ARL15: variants seen among roughly 807,000 people sequenced by gnomAD.
ARL15 encodes the protein ADP-ribosylation factor-like protein 15.
In ARL15, 19 loss-of-function variants were observed where a neutral mutation model predicts 25.2. The ratio of observed to expected loss-of-function variants is 0.75; its 90% confidence interval spans 0.53 to 1.10. The LOEUF (loss-of-function observed/expected upper bound fraction) is 1.10. Ranked by LOEUF, ARL15 falls within the 50% of genes least tolerant of loss-of-function variation. The pLI, the probability that ARL15 is intolerant of heterozygous loss-of-function variation, is 0.00. For synonymous variants in ARL15, 94 were observed against 86.8 expected, an observed-to-expected ratio of 1.08 and a Z score of -0.46; for missense variants, 220 against 246.0, an observed-to-expected ratio of 0.89 and a Z score of 0.71.
At chr5:54,278,171 C>T (rs1259714859) in intron 1 of ARL15, among the ~76,000 whole-genome samples, 1 of 152,204 alleles carries the variant, frequency 6.6e-6, no homozygotes, top group Non-Finnish European at 1.5e-5. Flanking sequence ...TAGTTCCCAA[C>T]GCAGGGAAGT....
At chr5:53,907,732 G>A (rs1331551282) in intron 4 of ARL15, among the ~76,000 whole-genome samples, 2 of 151,246 alleles carry the variant, frequency 1.3e-5, no homozygotes, top group East Asian at 1.9e-4. Flanking sequence ...TCCTGACCTC[G>A]TGATCTGCCT....
intron 4 of ARL15, among the ~76,000 whole-genome samples, chr5:53,956,021 G>A (rs1183843302): frequency 1.3e-5 from 2 of 151,992 alleles, no homozygotes; most frequent in Non-Finnish European, 2.9e-5. Flanking sequence ...TGAGAAAACA[G>A]GGCATTCAAA....
chr5:54,198,998 C>G (rs1053862156), intron 1 of ARL15, among the ~76,000 whole-genome samples: 3 of 151,632 alleles, frequency 2.0e-5, no homozygotes, highest in African/African-American at 7.3e-5. Context: ...TGCCACATAT[C>G]TACAACTATC....
rs565580823 is a variant in ARL15 at position 54,308,598 on chromosome 5, C to T, written c.48+1834G>A. 2.6e-5 allele frequency among the ~76,000 whole-genome samples: 4 copies of T among 152,304 alleles called. No individual in the cohort carries two copies. In the South Asian group the frequency reaches 8.3e-4, roughly 32 times the overall value. On this transcript the variant is annotated intron_variant, in intron 1 of 4. Transcript: ENST00000504924. ...AATTTGTGACCTGTTGATTTTGACA[C>T]AAAGCTGTTAGTAAATTGGCAAATA...
intron 1 of ARL15, among the ~76,000 whole-genome samples, chr5:54,208,249 C>T (rs1755927477): frequency 6.6e-6 from 1 of 152,060 alleles, no homozygotes; most frequent in African/African-American, 2.4e-5. Context: ...TTCAAATGCC[C>T]CACTTTTAAA....
intron 1 of ARL15, among the ~76,000 whole-genome samples, chr5:54,240,325 C>A (rs1756927585): frequency 1.3e-5 from 2 of 149,514 alleles, no homozygotes; most frequent in Admixed American, 6.7e-5. Flanking sequence ...ATTAAATCAT[C>A]AAAATTTTAA....
intron 1 of ARL15, among the ~76,000 whole-genome samples, chr5:54,233,234 G>A (rs1303190797): frequency 6.6e-6 from 1 of 152,142 alleles, no homozygotes; most frequent in African/African-American, 2.4e-5. Flanking sequence ...TTGTCTCAAG[G>A]AAAAGTACTC....
intron 4 of ARL15, among the ~76,000 whole-genome samples, chr5:54,029,221 T>C (rs1749883413): frequency 6.6e-6 from 1 of 151,968 alleles, no homozygotes; most frequent in Non-Finnish European, 1.5e-5. Flanking sequence ...AGTAACTACT[T>C]CCTCAGGTTG....
intron 3 of ARL15, among the ~76,000 whole-genome samples, chr5:54,151,597 T>A (rs1754070805): frequency 6.6e-6 from 1 of 152,114 alleles, no homozygotes. Flanking sequence ...AGGAAAAAGA[T>A]ATAAAAACAC....
chr5:54,215,666 T>C (rs2112518080), intron 1 of ARL15, among the ~76,000 whole-genome samples: 1 of 151,986 alleles, frequency 6.6e-6, no homozygotes, highest in East Asian at 1.9e-4. Flanking sequence ...AGCTTGGGCT[T>C]CCAGAGGAAT....
chr5:54,005,801 G>A (rs1749012680), intron 4 of ARL15, among the ~76,000 whole-genome samples: 1 of 151,444 alleles, frequency 6.6e-6, no homozygotes, highest in South Asian at 2.1e-4. Context: ...GGCGGAGCGT[G>A]CAGTGAGCCG....
At chr5:54,096,027 C>A (rs961663972) in intron 4 of ARL15, among the ~76,000 whole-genome samples, 1 of 152,094 alleles carries the variant, frequency 6.6e-6, no homozygotes, top group Non-Finnish European at 1.5e-5. Context: ...TTGGATCTTG[C>A]ATAATTTATT....
chr5:53,989,986 C>T (rs1393679666), intron 4 of ARL15, among the ~76,000 whole-genome samples: 1 of 152,070 alleles, frequency 6.6e-6, no homozygotes, highest in Non-Finnish European at 1.5e-5. Context: ...GTAATTCCAG[C>T]GCTTTGGGAG....
intron 2 of ARL15, 109 bp downstream of exon 2, chr5:54,171,675 T>C (rs1561251986): frequency 1.6e-6 from 2 of 1,254,370 alleles, no homozygotes; most frequent in Non-Finnish European, 2.1e-6. Context: ...TAAAATAAAC[T>C]GATTAAAGCA....
chr5:53,967,903 G>A (rs780765746), intron 4 of ARL15, among the ~76,000 whole-genome samples: 28 of 151,454 alleles, frequency 1.8e-4, no homozygotes, highest in Non-Finnish European at 3.4e-4. Flanking sequence ...AAATAGAGAA[G>A]TGAGGACCAA....
chr5:54,125,063 G>GTT (rs1365394948), intron 3 of ARL15, among the ~76,000 whole-genome samples: 27 of 147,418 alleles, frequency 1.8e-4, no homozygotes, highest in African/African-American at 6.6e-4. Context: ...TGGTAAGCAA[G>GTT]TTTTTTGTTT....
chr5:54,222,806 C>G (rs888313717), intron 1 of ARL15, among the ~76,000 whole-genome samples: 4 of 151,992 alleles, frequency 2.6e-5, no homozygotes, highest in African/African-American at 9.7e-5. Context: ...CAAGCCTTGG[C>G]TTAAGGTATA....
intron 4 of ARL15, among the ~76,000 whole-genome samples, chr5:53,964,493 G>A (rs1254342161): frequency 6.6e-6 from 1 of 151,994 alleles, no homozygotes; most frequent in Non-Finnish European, 1.5e-5. Flanking sequence ...CCTAGTAGCT[G>A]GGACTACAGG....
At chr5:54,180,220 G>A (rs542993887) in intron 1 of ARL15, among the ~76,000 whole-genome samples, 5 of 152,206 alleles carry the variant, frequency 3.3e-5, no homozygotes, top group African/African-American at 1.2e-4. Flanking sequence ...TATGTTGGAG[G>A]AGAGTATAGG....
Sources: gnomAD v4.1 joint callset for allele counts (sites outside exome capture counted in the v4.1 genomes callset) on GRCh38, gnomAD v4.1.1 for gene constraint, MANE v1.5 for transcripts, NCBI Gene and HGNC (gene_info 2026-07-23, HGNC 2026-07-21) for gene names.